NRGN: variants seen among roughly 807,000 people sequenced by gnomAD.
NRGN encodes the protein calmodulin-binding protein.
For missense variants in NRGN, 82 were observed against 123.0 expected (o/e 0.67, Z 1.58); for synonymous variants, 47 against 52.8 (o/e 0.89, Z 0.47).
chr11:124,745,631 C>A lies in NRGN; in HGVS notation c.144C>A (p.Ser48Arg). 6.3e-7 allele frequency: 1 copy of A among 1,591,160 alleles called. No homozygotes were observed. The highest frequency in any genetic ancestry group is 8.5e-7 in the Non-Finnish European group (1 of 1,172,540). ...RGHMARKKIKSGERGRKGPGP... is the reference protein window; with the variant it reads ...RGHMARKKIKRGERGRKGPGP... ...ACATGGCGCGGAAGAAGATAAAGAG[C>A]GGAGAGCGCGGCCGGAAGGGCCCGG... The change falls in exon 2 of 4, where the codon AGC becomes AGA. Residue 48 changes from serine (S) to arginine (R), a missense_variant. Physicochemically the swap from Ser to Arg is moderately radical, Grantham distance 110 (BLOSUM62 -1). Transcript: ENST00000284292. The surrounding 1 kb of genome is among the most constrained non-coding windows in gnomAD (Gnocchi z 6.4).
rs141886433 is a variant in NRGN, at chr11:124,741,991, A to G, written c.15+1892A>G. On this transcript the variant is annotated intron_variant, in intron 1 of 3. Transcript: ENST00000284292. ...GAGAAGCAGATACACAATTATCTCCATGGCCCAGGGCCTGGGGCACCTCCT... is the reference window on the plus strand; with the variant it reads ...GAGAAGCAGATACACAATTATCTCCGTGGCCCAGGGCCTGGGGCACCTCCT... Among the ~76,000 whole-genome samples the G allele has an allele frequency of 6.6e-3, 1,004 of 152,292 alleles. 12 individuals are homozygous for G. Among genetic ancestry groups the G allele is most frequent in the African/African-American group, 0.023 (938 of 41,570 alleles).
Position 124,745,140 on chromosome 11 carries a change from C to G in NRGN, c.16-363C>G, listed in dbSNP as rs76677201. 0.037 allele frequency among the ~76,000 whole-genome samples: 5,685 copies of G among 152,138 alleles called. 338 individuals carry two copies. Among genetic ancestry groups the G allele is most frequent in the African/African-American group, 0.13 (5,336 of 41,450 alleles). On this transcript the variant is annotated intron_variant, in intron 1 of 3. Coordinates refer to ENST00000284292, the MANE Select transcript of NRGN (RefSeq NM_006176.3). The surrounding 1 kb of genome is among the most constrained non-coding windows in gnomAD (Gnocchi z 6.4). The stretch of plus-strand genomic sequence containing the variant: ...TACCCTCTGAGAGCAGGGGGACAGG[C>G]GGCCACTCCAGGAGTGCCTGCTGCT...
At chr11:124,742,952 G>T (rs934210646) in intron 1 of NRGN, among the ~76,000 whole-genome samples, 2 of 152,166 alleles carry the variant, frequency 1.3e-5, no homozygotes, top group Admixed American at 6.5e-5. Context: ...GCTGACCAGG[G>T]CACCTTCCAC....
chr11:124,740,560 A>G lies in NRGN; in HGVS notation c.15+461A>G, dbSNP rs914577562. ...CTCATGACCCTCCAACGATCGCCTA[A>G]GCGCCCTGTGCAGCGCAGGCTGGTC... is the stretch of plus-strand genomic sequence containing the variant. On this transcript the variant is annotated intron_variant, in intron 1 of 3. Transcript: ENST00000284292. The surrounding 1 kb of genome is among the most constrained non-coding windows in gnomAD (Gnocchi z 7.5). 6.6e-6 allele frequency among the ~76,000 whole-genome samples: 1 copy of G among 152,232 alleles called. No individual in the cohort carries two copies. Among genetic ancestry groups the G allele is most frequent in the Non-Finnish European group, 1.5e-5 (1 of 68,030 alleles).
Position 124,745,407 on chromosome 11 carries a change from T to G in NRGN, c.16-96T>G, listed in dbSNP as rs1182869434. The G allele has an allele frequency of 1.2e-5, 10 of 816,874 alleles. No homozygotes were observed. The highest frequency in any genetic ancestry group is 3.6e-5 in the African/African-American group (2 of 55,428). 50.6% of individuals were successfully genotyped at this position (816,874 alleles called of 1,614,324 possible). The stretch of plus-strand genomic sequence containing the variant: ...CCTCTCTGTACCTCCCACCCCCGCG[T>G]CGCCATAGTCCCTGTCCCTCAGGGC... On this transcript the variant is annotated intron_variant, in intron 1 of 3. Coordinates refer to ENST00000284292, the MANE Select transcript of NRGN (RefSeq NM_006176.3). The surrounding 1 kb of genome is among the most constrained non-coding windows in gnomAD (Gnocchi z 6.4).
intron 1 of NRGN, among the ~76,000 whole-genome samples, chr11:124,742,102 C>G (rs1359764331): frequency 1.3e-5 from 2 of 152,004 alleles, no homozygotes; most frequent in African/African-American, 2.4e-5. Context: ...GAGAGAGCAC[C>G]ATTATCAGAC....
rs931115816 is a variant in NRGN, at chr11:124,747,141, G to C, written c.*761G>C. ...CTGGGGCTGTGGCCGAAAGGTTTCT[G>C]ATCTCCGTGTGTGCATGTGACTGTG... On this transcript the variant is annotated 3_prime_UTR_variant, in exon 4 of 4. Coordinates refer to ENST00000284292, the MANE Select transcript of NRGN (RefSeq NM_006176.3). 4.6e-5 allele frequency: 7 copies of C among 151,150 alleles called. No individual in the cohort carries two copies. Among genetic ancestry groups the C allele is most frequent in the African/African-American group, 1.7e-4 (7 of 41,034 alleles). 9.4% of individuals were successfully genotyped at this position (151,150 alleles called of 1,614,324 possible).
Position 124,745,896 on chromosome 11 carries a change from G to A in NRGN, c.*6-69G>A, listed in dbSNP as rs1944005988. The A allele has an allele frequency of 7.8e-6, 3 of 386,718 alleles. No homozygotes were observed. The highest frequency in any genetic ancestry group is 8.2e-5 in the East Asian group (2 of 24,520). The allele number at this position is 386,718 out of a possible 1,614,324, so 24.0% of individuals were successfully genotyped here. ...TGGGTGGGAAGAGGCTGAAGGTTGCGCGGATTCCAGGAGCTCACCTGTTTC... is the reference window on the plus strand; with the variant it reads ...TGGGTGGGAAGAGGCTGAAGGTTGCACGGATTCCAGGAGCTCACCTGTTTC... On this transcript the variant is annotated intron_variant, in intron 2 of 3. Transcript: ENST00000284292. The surrounding 1 kb of genome is among the most constrained non-coding windows in gnomAD (Gnocchi z 6.4).
Position 124,740,006 on chromosome 11 carries a change from G to A in NRGN, c.-79G>A. The stretch of plus-strand genomic sequence containing the variant: ...TCGGCTGGCGGCCGACTGCCCCAGA[G>A]CCCCCACCCGGCACCACACAGACCC... On this transcript the variant is annotated 5_prime_UTR_variant, in exon 1 of 4. Transcript: ENST00000284292. This position sits in a 1 kb window ranked among gnomAD's most constrained non-coding sequence, Gnocchi z 7.5. 2 of 624,372 alleles carry A rather than the reference G, an allele frequency of 3.2e-6. No homozygotes were observed. The highest frequency in any genetic ancestry group is 5.0e-6 in the Non-Finnish European group (2 of 400,462). The allele number at this position is 624,372 out of a possible 1,614,324, so 38.7% of individuals were successfully genotyped here.
At position 124,745,683 on chromosome 11, in the gene NRGN, G is replaced by A; in HGVS notation, c.196G>A (p.Val66Met). ...CCCTGGGGGGCCTGGCGGAGCTGGG[G>A]TGGCCCGGGGAGGCGCGGGCGGCGG... ...PGPGGPGGAG[V>M]ARGGAGGGPS... The change falls in exon 2 of 4, where the codon GTG becomes ATG. Residue 66 changes from valine (V) to methionine (M), a missense_variant. Physicochemically the swap from Val to Met is conservative, Grantham distance 21. Coordinates refer to ENST00000284292, the MANE Select transcript of NRGN (RefSeq NM_006176.3). The surrounding 1 kb of genome is among the most constrained non-coding windows in gnomAD (Gnocchi z 6.4). The A allele has an allele frequency of 6.9e-7, 1 of 1,441,742 alleles. No homozygotes were observed. Among genetic ancestry groups the A allele is most frequent in the South Asian group, 1.4e-5 (1 of 70,618 alleles). 89.3% of individuals were successfully genotyped at this position (1,441,742 alleles called of 1,614,324 possible).
At chr11:124,741,202 G>A (rs1237003366) in intron 1 of NRGN, among the ~76,000 whole-genome samples, 1 of 152,146 alleles carries the variant, frequency 6.6e-6, no homozygotes, top group Non-Finnish European at 1.5e-5. Context: ...CTGCCCTGTA[G>A]CCAGCACTTT....
At chr11:124,746,019 C>G (rs1434723214) in intron 3 of NRGN, 37 bp downstream of exon 3, 4 of 268,972 alleles carry the variant, frequency 1.5e-5, no homozygotes, top group Admixed American at 1.1e-4. Flanking sequence ...GGGTGGGACC[C>G]GTGAGTGGGA....
rs1340877091 is a variant in NRGN at position 124,745,760 on chromosome 11, G to T, written c.*5+31G>T. 2 of 1,189,130 alleles carry T rather than the reference G, an allele frequency of 1.7e-6. No homozygotes were observed. Among genetic ancestry groups the T allele is most frequent in the African/African-American group, 3.2e-5 (2 of 62,672 alleles). The allele number at this position is 1,189,130 out of a possible 1,614,324, so 73.7% of individuals were successfully genotyped here. ...GCGGGCGGCGCGCGGCTGGCTGACA[G>T]CTGCCCTTCCCCAGCCCTCCCCAGG... On this transcript the variant is annotated intron_variant, in intron 2 of 3. Coordinates refer to ENST00000284292, the MANE Select transcript of NRGN (RefSeq NM_006176.3). The surrounding 1 kb of genome is among the most constrained non-coding windows in gnomAD (Gnocchi z 6.4).
rs1944019310 is a variant in NRGN, at chr11:124,746,917, C to T, written c.*537C>T. 1 of 152,810 alleles carries T rather than the reference C, an allele frequency of 6.5e-6. No homozygotes were observed. Among genetic ancestry groups the T allele is most frequent in the Admixed American group, 6.5e-5 (1 of 15,288 alleles). 9.5% of individuals were successfully genotyped at this position (152,810 alleles called of 1,614,324 possible). On this transcript the variant is annotated 3_prime_UTR_variant, in exon 4 of 4. Coordinates refer to ENST00000284292, the MANE Select transcript of NRGN (RefSeq NM_006176.3). Reference sequence around the variant, plus strand: ...GAGGGTTGTTTTGGTTTCGGACGACCCTTGCTCTGACCGGAAGAGAAGTCC... The same window carrying T: ...GAGGGTTGTTTTGGTTTCGGACGACTCTTGCTCTGACCGGAAGAGAAGTCC...
rs967528965 is a variant in NRGN, at chr11:124,745,844, T to TG, written c.*6-116dup. ...AGGGGGCGTGGAGGGAGCTAAGGGTTGGGGGATAGAAATCCGAGATGGGAG... is the reference window on the plus strand; with the variant it reads ...AGGGGGCGTGGAGGGAGCTAAGGGTTGGGGGGATAGAAATCCGAGATGGGAG... On this transcript the variant is annotated intron_variant, in intron 2 of 3. Coordinates refer to ENST00000284292, the MANE Select transcript of NRGN (RefSeq NM_006176.3). This position sits in a 1 kb window ranked among gnomAD's most constrained non-coding sequence, Gnocchi z 6.4. The TG allele has an allele frequency of 1.7e-4, 83 of 476,564 alleles. No homozygotes were observed. The highest frequency in any genetic ancestry group is 2.1e-4 in the Admixed American group (5 of 23,626). The allele number at this position is 476,564 out of a possible 1,614,324, so 29.5% of individuals were successfully genotyped here.
chr11:124,745,803 G>A lies in NRGN; in HGVS notation c.*5+74G>A, dbSNP rs996399803. On this transcript the variant is annotated intron_variant, in intron 2 of 3. Coordinates refer to ENST00000284292, the MANE Select transcript of NRGN (RefSeq NM_006176.3). This position sits in a 1 kb window ranked among gnomAD's most constrained non-coding sequence, Gnocchi z 6.4. ...TCCCCAGGAGCAGGGGGAGAATAAG[G>A]GCGGGTTGGAGGTGCAGGGGGCGTG... 12 of 864,332 alleles carry A rather than the reference G, an allele frequency of 1.4e-5. No homozygotes were observed. The highest frequency in any genetic ancestry group is 1.1e-4 in the African/African-American group (6 of 56,764). 53.5% of individuals were successfully genotyped at this position (864,332 alleles called of 1,614,324 possible).
Position 124,740,064 on chromosome 11 carries a change from A to G in NRGN, c.-21A>G. On this transcript the variant is annotated 5_prime_UTR_variant, in exon 1 of 4. Coordinates refer to ENST00000284292, the MANE Select transcript of NRGN (RefSeq NM_006176.3). This position sits in a 1 kb window ranked among gnomAD's most constrained non-coding sequence, Gnocchi z 7.5. ...GCCCTGCGCCAGCCTTCGTCCCCGCAGAGGACCCCCCGACACCAGCATGGA... is the reference window on the plus strand; with the variant it reads ...GCCCTGCGCCAGCCTTCGTCCCCGCGGAGGACCCCCCGACACCAGCATGGA... 1.6e-6 allele frequency: 2 copies of G among 1,272,348 alleles called. No individual in the cohort carries two copies. Among genetic ancestry groups the G allele is most frequent in the Admixed American group, 3.8e-5 (1 of 26,198 alleles). The allele number at this position is 1,272,348 out of a possible 1,614,324, so 78.8% of individuals were successfully genotyped here.
In NRGN at chr11:124,740,011, C is replaced by T. The variant is rs977407678; in HGVS notation, c.-74C>T. On this transcript the variant is annotated 5_prime_UTR_variant, in exon 1 of 4. Coordinates refer to ENST00000284292, the MANE Select transcript of NRGN (RefSeq NM_006176.3). The surrounding 1 kb of genome is among the most constrained non-coding windows in gnomAD (Gnocchi z 7.5). ...TGGCGGCCGACTGCCCCAGAGCCCC[C>T]ACCCGGCACCACACAGACCCCACCC... 3 of 699,592 alleles carry T rather than the reference C, an allele frequency of 4.3e-6. No individual in the cohort carries two copies. The highest frequency in any genetic ancestry group is 4.1e-5 in the Admixed American group (1 of 24,272). The allele number at this position is 699,592 out of a possible 1,614,324, so 43.3% of individuals were successfully genotyped here. A position where few individuals can be genotyped will look rare whatever the true frequency, so the allele number is the denominator to read the frequency against.
At position 124,745,641 on chromosome 11, in the gene NRGN, G is replaced by C. The variant is rs1017178447; in HGVS notation, c.154G>C (p.Gly52Arg). The change falls in exon 2 of 4, where the codon GGC becomes CGC. Residue 52 changes from glycine to arginine, a missense_variant. Coordinates refer to ENST00000284292, the MANE Select transcript of NRGN (RefSeq NM_006176.3). The surrounding 1 kb of genome is among the most constrained non-coding windows in gnomAD (Gnocchi z 6.4). ...GAAGAAGATAAAGAGCGGAGAGCGC[G>C]GCCGGAAGGGCCCGGGCCCTGGGGG... ...ARKKIKSGER[G>R]RKGPGPGGPG... 2.5e-6 allele frequency: 4 copies of C among 1,576,394 alleles called. No individual in the cohort carries two copies. The African/African-American group carries it at 5.5e-5, about 22-fold the overall frequency.
Sources: gnomAD v4.1 joint callset for allele counts (sites outside exome capture counted in the v4.1 genomes callset) on GRCh38, gnomAD v4.1.1 for gene constraint, Gnocchi (gnomAD v3.1) non-coding constraint, MANE v1.5 for transcripts, NCBI Gene and HGNC (gene_info 2026-07-23, HGNC 2026-07-21) for gene names.